The following PARG variants were observed in gnomAD, a reference collection of about 807,000 sequenced individuals.
The protein encoded by PARG is mitochondrial poly(ADP-ribose) glycohydrolase.
Under a neutral mutation model 113.0 loss-of-function variants are expected in PARG, and 35 were observed. The observed-to-expected ratio is 0.31, with a 90% CI of 0.24 to 0.41. The LOEUF (loss-of-function observed/expected upper bound fraction) is 0.41, where lower values mean the gene tolerates loss of function less well. Ranked by LOEUF, PARG falls within the 10% of genes least tolerant of loss-of-function variation. The pLI is 1.00. For synonymous variants in PARG, 330 were observed against 409.9 expected, an observed-to-expected ratio of 0.81 and a Z score of 2.36; for missense variants, 797 against 1,169.4, an observed-to-expected ratio of 0.68 and a Z score of 4.64.
At chr10:49,883,145 T>C (rs1362646704) in intron 8 of PARG, among the ~76,000 whole-genome samples, 1 of 152,254 alleles carries the variant, frequency 6.6e-6, no homozygotes, top group African/African-American at 2.4e-5. Context: ...AAACATTTCA[T>C]GGGTCTCAAC....
At chr10:49,935,003 G>C (rs1838680400) in intron 2 of PARG, 73 bp downstream of exon 2, 6 of 668,336 alleles carry the variant, frequency 9.0e-6, no homozygotes, top group Non-Finnish European at 1.6e-5. Flanking sequence ...AACAAAGAGA[G>C]AAAATATTAA....
chr10:49,935,728 A>G (rs1193155878), intron 1 of PARG, among the ~76,000 whole-genome samples: 16 of 152,304 alleles, frequency 1.1e-4, no homozygotes, highest in Non-Finnish European at 2.1e-4. Context: ...ATGCCTTGAA[A>G]AGTAAACATG....
At chr10:49,902,659 C>A (rs369275493) in intron 7 of PARG, among the ~76,000 whole-genome samples, 647 of 152,048 alleles carry the variant, frequency 4.3e-3, no homozygotes, top group East Asian at 0.018. Flanking sequence ...TGTCTGTCCT[C>A]TAGAAACTTA....
At chr10:49,846,960 T>C (rs1216001292) in intron 13 of PARG, among the ~76,000 whole-genome samples, 2 of 151,526 alleles carry the variant, frequency 1.3e-5, no homozygotes, top group Non-Finnish European at 1.5e-5. Flanking sequence ...GATGGGCACA[T>C]GTCAAAGGCA....
intron 8 of PARG, among the ~76,000 whole-genome samples, chr10:49,881,941 TG>T (rs1554839547): frequency 3.3e-5 from 5 of 152,298 alleles, no homozygotes; most frequent in African/African-American, 1.2e-4. Context: ...TTAGAAAAGG[TG>T]ACAGTGCATC....
intron 8 of PARG, among the ~76,000 whole-genome samples, chr10:49,882,919 A>T (rs1847284340): frequency 7.0e-6 from 1 of 141,862 alleles, no homozygotes; most frequent in Non-Finnish European, 1.5e-5. Flanking sequence ...GAAGTAACAG[A>T]CAGGCATACC....
In PARG at chr10:49,933,371, A is replaced by C; in HGVS notation, c.1077T>G (p.Thr359=). 1 of 1,613,130 alleles carries C rather than the reference A, an allele frequency of 6.2e-7. No individual in the cohort carries two copies. The highest frequency in any genetic ancestry group is 8.5e-7 in the Non-Finnish European group (1 of 1,179,124). The change falls in exon 3 of 18, where the codon ACT becomes ACG. Residue 359 remains threonine (T), a synonymous_variant. Transcript: ENST00000616448. ...ADIEFRKRYS[T]KGGEVRLHFQ... is the part of the protein sequence containing the mutation. Reference sequence around the variant, plus strand: ...AATGTAATCTAACTTCACCGCCCTTAGTAGAGTACCGTTTCCTAAATTCAA... The same window carrying C: ...AATGTAATCTAACTTCACCGCCCTTCGTAGAGTACCGTTTCCTAAATTCAA...
Position 49,832,658 on chromosome 10 carries a change from G to C in PARG, c.2647+145C>G. The C allele has an allele frequency of 5.5e-6, 3 of 548,708 alleles. No individual in the cohort carries two copies. The South Asian group carries it at 7.7e-5, about 14-fold the overall frequency. The allele number at this position is 548,708 out of a possible 1,614,324, so 34.0% of individuals were successfully genotyped here. On this transcript the variant is annotated intron_variant, in intron 16 of 17. Coordinates refer to ENST00000616448, the MANE Select transcript of PARG (RefSeq NM_003631.5). ...AATAAGAATTCCTTCAAACATAATA[G>C]GAAAAAAGAAAATAGTGTTAAATAT...
chr10:49,912,818 A>T (rs1837273709), intron 7 of PARG, among the ~76,000 whole-genome samples: 2 of 152,008 alleles, frequency 1.3e-5, no homozygotes, highest in Admixed American at 1.3e-4. Flanking sequence ...AATACAAAAA[A>T]CTAGCCAGGT....
intron 8 of PARG, 96 bp from the exon 9 acceptor site, chr10:49,879,926 G>A: frequency 1.6e-6 from 1 of 623,728 alleles, no homozygotes. Context: ...CTAAATTAAG[G>A]CAGAAATAAT....
chr10:49,908,681 A>G (rs1450973682), intron 7 of PARG: 1 of 152,198 alleles, frequency 6.6e-6, no homozygotes, highest in Non-Finnish European at 1.5e-5. Flanking sequence ...AAAATCCCAG[A>G]AAACAGATTA....
chr10:49,880,346 C>A (rs527601013), intron 8 of PARG, among the ~76,000 whole-genome samples: 85 of 152,182 alleles, frequency 5.6e-4, no homozygotes, highest in Non-Finnish European at 1.1e-3. Context: ...TCAAATCTAA[C>A]TTCATTAAAG....
chr10:49,912,481 G>A (rs1281486915), intron 7 of PARG, among the ~76,000 whole-genome samples: 1 of 149,814 alleles, frequency 6.7e-6, no homozygotes, highest in Non-Finnish European at 1.5e-5. Context: ...TGGCCAACAT[G>A]GTGAAACCCA....
intron 10 of PARG, among the ~76,000 whole-genome samples, chr10:49,868,060 T>C (rs1316899688): frequency 6.6e-6 from 1 of 152,208 alleles, no homozygotes; most frequent in African/African-American, 2.4e-5. Flanking sequence ...CAATCTCAGC[T>C]CACTGCAACC....
Position 49,942,027 on chromosome 10 carries a change from T to G in PARG, c.-302A>C. ...CGCTTCCGGCTTCCGGGGCGCACAC[T>G]GCCGCAAAGCGGAAGTGTGGCGCTT... On this transcript the variant is annotated 5_prime_UTR_variant, in exon 1 of 18. Transcript: ENST00000616448. 9.4e-7 allele frequency: 1 copy of G among 1,060,522 alleles called. No homozygotes were observed. Among genetic ancestry groups the G allele is most frequent in the Non-Finnish European group, 1.4e-6 (1 of 738,046 alleles). The allele number at this position is 1,060,522 out of a possible 1,614,324, so 65.7% of individuals were successfully genotyped here.
chr10:49,849,152 G>A (rs1413920669), intron 13 of PARG, among the ~76,000 whole-genome samples: 5 of 150,720 alleles, frequency 3.3e-5, no homozygotes, highest in Non-Finnish European at 7.4e-5. Context: ...CTGAGATCAC[G>A]CCATTGCACT....
At chr10:49,845,091 A>G (rs1845442809) in intron 13 of PARG, among the ~76,000 whole-genome samples, 1 of 152,230 alleles carries the variant, frequency 6.6e-6, no homozygotes, top group Non-Finnish European at 1.5e-5. Context: ...AAAATACAAA[A>G]GAATAAAAAC....
intron 13 of PARG, among the ~76,000 whole-genome samples, chr10:49,847,327 C>T (rs1374567194): frequency 2.0e-5 from 3 of 151,642 alleles, no homozygotes; most frequent in Non-Finnish European, 4.4e-5. Context: ...AAAAGTATAA[C>T]CTGACAGTGG....
At chr10:49,885,324 A>T in intron 7 of PARG, 29 bp from the exon 8 acceptor site, 1 of 1,296,136 alleles carries the variant, frequency 7.7e-7, no homozygotes. Context: ...AGTTATGTGA[A>T]TAACAATAAC....
Sources: gnomAD v4.1 joint callset for allele counts (sites outside exome capture counted in the v4.1 genomes callset) on GRCh38, gnomAD v4.1.1 for gene constraint, MANE v1.5 for transcripts, NCBI Gene and HGNC (gene_info 2026-07-23, HGNC 2026-07-21) for gene names.